ARHGEF28: variants seen among roughly 807,000 people sequenced by gnomAD.
ARHGEF28 encodes Rho guanine nucleotide exchange factor 28, also known as 190 kDa guanine nucleotide exchange factor.
A neutral mutation model predicts 206.6 loss-of-function variants in ARHGEF28; 152 were observed. The observed-to-expected ratio is 0.74, with a 90% CI of 0.64 to 0.84. ARHGEF28 has a LOEUF of 0.84. Among genes scored for constraint, ARHGEF28 ranks in the 40% least tolerant of loss-of-function variants. ARHGEF28 has a pLI of 0.00. For synonymous variants in ARHGEF28, 763 were observed against 776.4 expected (o/e 0.98, Z 0.29); for missense variants, 2,028 against 2,073.2 (o/e 0.98, Z 0.42).
intron 1 of ARHGEF28, among the ~76,000 whole-genome samples, chr5:73,658,939 G>C (rs1178955088): frequency 6.7e-6 from 1 of 148,614 alleles, no homozygotes. Flanking sequence ...CACATACCTA[G>C]ACAGGTCTGT....
chr5:73,662,663 AAT>A (rs1745686575), intron 1 of ARHGEF28, among the ~76,000 whole-genome samples: 1 of 152,232 alleles, frequency 6.6e-6, no homozygotes, highest in African/African-American at 2.4e-5. Flanking sequence ...CATGGATTTT[AAT>A]ATAAAGTATG....
At chr5:73,698,997 TCAC>T (rs1431598489) in intron 2 of ARHGEF28, among the ~76,000 whole-genome samples, 4 of 152,148 alleles carry the variant, frequency 2.6e-5, no homozygotes, top group Admixed American at 6.5e-5. Flanking sequence ...TCTACCTGCA[TCAC>T]CACATTATAT....
intron 25 of ARHGEF28, among the ~76,000 whole-genome samples, chr5:73,887,299 C>G (rs961299207): frequency 1.3e-5 from 2 of 152,070 alleles, no homozygotes; most frequent in South Asian, 2.1e-4. Context: ...CTTTTCCTGC[C>G]GAAGGTAAGA....
chr5:73,901,080 T>C lies in ARHGEF28; in HGVS notation c.3974-104T>C, dbSNP rs926071964. Reference sequence around the variant, plus strand: ...ACTCAATATGTATTATTTTGTGGTGTTTCCTATTTTGAAATATGTGTTGGC... The same window carrying C: ...ACTCAATATGTATTATTTTGTGGTGCTTCCTATTTTGAAATATGTGTTGGC... On this transcript the variant is annotated intron_variant, in intron 30 of 35. Coordinates refer to ENST00000513042, the MANE Select transcript of ARHGEF28 (RefSeq NM_001177693.2). 3 of 837,526 alleles carry C rather than the reference T, an allele frequency of 3.6e-6. No individual in the cohort carries two copies. The East Asian group carries it at 8.3e-5, about 23-fold the overall frequency. 51.9% of individuals were successfully genotyped at this position (837,526 alleles called of 1,614,324 possible).
chr5:73,827,823 C>T (rs2112550977), intron 9 of ARHGEF28, among the ~76,000 whole-genome samples: 1 of 152,246 alleles, frequency 6.6e-6, no homozygotes, highest in South Asian at 2.1e-4. Flanking sequence ...TATAAGACAG[C>T]ATTAATTTAA....
chr5:73,795,498 C>G, intron 9 of ARHGEF28, 107 bp downstream of exon 9: 5 of 987,528 alleles, frequency 5.1e-6, no homozygotes, highest in Non-Finnish European at 7.8e-6. Context: ...TCCTGGTAAC[C>G]TTATCTATTT....
At chr5:73,882,210 AG>A (rs1206181440) in intron 22 of ARHGEF28, among the ~76,000 whole-genome samples, 7 of 152,226 alleles carry the variant, frequency 4.6e-5, no homozygotes, top group Admixed American at 4.6e-4. Flanking sequence ...AGAATAAAAT[AG>A]ATCAAATGTT....
At position 73,657,172 on chromosome 5, in the gene ARHGEF28, CAAAAAAAAAAAA is replaced by C. The variant is rs76970237; in HGVS notation, c.-11-27658_-11-27647del. Among the ~76,000 whole-genome samples, 408 of 94,566 alleles carry C rather than the reference CAAAAAAAAAAAA, an allele frequency of 4.3e-3. 2 individuals carry two copies. Among genetic ancestry groups the C allele is most frequent in the African/African-American group, 0.016 (387 of 23,724 alleles). The allele number at this position is 94,566 out of a possible 152,430, so 62.0% of individuals were successfully genotyped here. On this transcript the variant is annotated intron_variant, in intron 1 of 35. Coordinates refer to ENST00000513042, the MANE Select transcript of ARHGEF28 (RefSeq NM_001177693.2). ...TGGGTGACAGAGCAAGACTCCGTCCCAAAAAAAAAAAAAAAAAAAAAAGAATGTTGGACTCTT... is the reference window on the plus strand; with the variant it reads ...TGGGTGACAGAGCAAGACTCCGTCCCAAAAAAAAAAGAATGTTGGACTCTT...
intron 5 of ARHGEF28, 48 bp downstream of exon 5, chr5:73,774,086 C>A: frequency 6.8e-7 from 1 of 1,477,460 alleles, no homozygotes; most frequent in Non-Finnish European, 9.0e-7. Flanking sequence ...ATAAAGTCGG[C>A]CAAGCATTAT....
intron 9 of ARHGEF28, among the ~76,000 whole-genome samples, chr5:73,817,555 T>C (rs1424623873): frequency 6.6e-6 from 1 of 152,186 alleles, no homozygotes; most frequent in African/African-American, 2.4e-5. Context: ...CAGGGAACAG[T>C]AACCATGGTA....
chr5:73,795,796 A>G (rs1417235871), intron 9 of ARHGEF28, among the ~76,000 whole-genome samples: 5 of 152,048 alleles, frequency 3.3e-5, no homozygotes, highest in African/African-American at 7.2e-5. Flanking sequence ...AGAATCTCCA[A>G]GCTTACCAAA....
At position 73,898,002 on chromosome 5, in the gene ARHGEF28, C is replaced by A. The variant is rs776017962; in HGVS notation, c.3882C>A (p.Gly1294=). The change falls in exon 30 of 36, where the codon GGC becomes GGA. Residue 1294 remains glycine (G), a synonymous_variant. Coordinates refer to ENST00000513042, the MANE Select transcript of ARHGEF28 (RefSeq NM_001177693.2). The part of the protein sequence containing the change: ...LQVAVKASQM[G]AVSQSCEDSC... ...TTGCAGTGAAGGCCTCACAGATGGG[C>A]GCCGTGAGTCAATCATGTGAGGACA... The A allele has an allele frequency of 6.3e-7, 1 of 1,598,734 alleles. No homozygotes were observed. The highest frequency in any genetic ancestry group is 8.5e-7 in the Non-Finnish European group (1 of 1,172,136).
chr5:73,674,817 A>G (rs1427999524), intron 1 of ARHGEF28, among the ~76,000 whole-genome samples: 4 of 152,182 alleles, frequency 2.6e-5, no homozygotes, highest in African/African-American at 7.2e-5. Context: ...AAAACCTAAA[A>G]GGACTGGGTT....
chr5:73,854,136 T>C (rs988990737), intron 14 of ARHGEF28, among the ~76,000 whole-genome samples: 1 of 152,128 alleles, frequency 6.6e-6, no homozygotes, highest in South Asian at 2.1e-4. Context: ...GAGTGGATCT[T>C]TCATCTCACC....
intron 1 of ARHGEF28, among the ~76,000 whole-genome samples, chr5:73,673,640 TA>T (rs1182703283): frequency 6.6e-6 from 1 of 152,134 alleles, no homozygotes; most frequent in Non-Finnish European, 1.5e-5. Flanking sequence ...TCATTTGAAA[TA>T]AATATTCAAA....
chr5:73,892,190 C>T lies in ARHGEF28; in HGVS notation c.3526C>T (p.Arg1176Cys), dbSNP rs756948344. 52 of 1,575,410 alleles carry T rather than the reference C, an allele frequency of 3.3e-5. No individual in the cohort carries two copies. Among genetic ancestry groups the T allele is most frequent in the Middle Eastern group, 1.7e-4 (1 of 6,026 alleles). Residue 1176 changes from arginine to cysteine, a missense_variant, in exon 27 of 36, where the codon CGC (arginine) becomes TGC (cysteine). Physicochemically the swap from Arg to Cys is radical, Grantham distance 180. Coordinates refer to ENST00000513042, the MANE Select transcript of ARHGEF28 (RefSeq NM_001177693.2). ...YEIHTNSKEE[R>C]NNWMRRIQQA... ...AATTCACACCAATTCCAAGGAGGAA[C>T]GCAATAACTGGATGAGACGGATCCA...
chr5:73,741,341 ATG>A (rs369851573), intron 2 of ARHGEF28, among the ~76,000 whole-genome samples: 990 of 66,068 alleles, frequency 0.015, 18 homozygotes, highest in African/African-American at 0.02. Flanking sequence ...TTAAATTTAT[ATG>A]TGTGTGTGTG....
At chr5:73,781,267 G>A (rs769047103) in intron 7 of ARHGEF28, among the ~76,000 whole-genome samples, 6 of 152,158 alleles carry the variant, frequency 3.9e-5, no homozygotes, top group Non-Finnish European at 8.8e-5. Flanking sequence ...ACTAAGAGTC[G>A]TCCTGTACAG....
chr5:73,778,518 TCA>T (rs1253654394), intron 6 of ARHGEF28, among the ~76,000 whole-genome samples: 3 of 152,156 alleles, frequency 2.0e-5, no homozygotes, highest in African/African-American at 7.2e-5. Flanking sequence ...GATACAAGAA[TCA>T]GTTAGAGTGG....
Sources: gnomAD v4.1 joint callset for allele counts (sites outside exome capture counted in the v4.1 genomes callset) on GRCh38, gnomAD v4.1.1 for gene constraint, MANE v1.5 for transcripts, NCBI Gene and HGNC (gene_info 2026-07-23, HGNC 2026-07-21) for gene names.